EZH2: variants seen among roughly 807,000 people sequenced by gnomAD.
EZH2 encodes enhancer of zeste 2 polycomb repressive complex 2 subunit.
Under a neutral mutation model 98.4 loss-of-function variants are expected in EZH2, and 18 were observed. The observed-to-expected ratio is 0.18, with a 90% confidence interval of 0.13 to 0.27. EZH2 has a LOEUF of 0.27. Among genes scored for constraint, EZH2 ranks in the 10% least tolerant of loss-of-function variants. The pLI is 1.00. For synonymous variants in EZH2, 338 were observed against 312.3 expected (o/e 1.08, Z -0.87); for missense variants, 470 against 935.1 (o/e 0.50, Z 6.49).
At chr7:148,869,137 G>A (rs1410358249) in intron 1 of EZH2, among the ~76,000 whole-genome samples, 1 of 147,606 alleles carries the variant, frequency 6.8e-6, no homozygotes, top group Non-Finnish European at 1.5e-5. Context: ...AGCATTAGAT[G>A]TTCTATGAAT....
chr7:148,815,785 A>G lies in EZH2; in HGVS notation c.1506-239T>C, dbSNP rs146043537. Among the ~76,000 whole-genome samples the G allele has an allele frequency of 4.6e-3, 695 of 152,342 alleles. 5 individuals carry two copies. The highest frequency in any genetic ancestry group is 6.0e-3 in the Non-Finnish European group (409 of 68,036). ...GTGTTCATCCATGACTCCTGGTCAG[A>G]ACTCCTGAGCTCCCAATGCTGCACA... On this transcript the variant is annotated intron_variant, in intron 12 of 19. Coordinates refer to ENST00000320356, the MANE Select transcript of EZH2 (RefSeq NM_004456.5).
In EZH2 at chr7:148,813,969, C is replaced by G. The variant is rs1803880257; in HGVS notation, c.1841G>C (p.Gly614Ala). 1 of 1,609,754 alleles carries G rather than the reference C, an allele frequency of 6.2e-7. No homozygotes were observed. ...TGACTTGTTGCTCACCTTTTTGGAG[C>G]CCCGCTGAATACTGCAGTTCTTGCA... ...VSCKNCSIQRGSKKHLLLAPS... is the reference protein window; with the variant it reads ...VSCKNCSIQRASKKHLLLAPS... The change falls in exon 15 of 20, where the codon GGC (glycine) becomes GCC (alanine). Residue 614 changes from glycine to alanine, a missense_variant. Gly to Ala is a moderately conservative substitution (Grantham distance 60). This residue lies in a region of EZH2 where 106 missense variants were observed against 327.2 expected (regional missense o/e 0.32). Transcript: ENST00000320356.
intron 1 of EZH2, among the ~76,000 whole-genome samples, chr7:148,854,853 T>C (rs551112382): frequency 6.6e-6 from 1 of 152,258 alleles, no homozygotes; most frequent in Non-Finnish European, 1.5e-5. Flanking sequence ...ATTGTTTCAA[T>C]ATACTGAAAT....
intron 3 of EZH2, among the ~76,000 whole-genome samples, chr7:148,845,767 C>T (rs985346109): frequency 7.2e-5 from 11 of 152,210 alleles, no homozygotes; most frequent in African/African-American, 2.7e-4. Flanking sequence ...CCTTTTGCTT[C>T]AACTCCCCTT....
At chr7:148,852,631 G>A (rs1816042229) in intron 1 of EZH2, among the ~76,000 whole-genome samples, 1 of 151,956 alleles carries the variant, frequency 6.6e-6, no homozygotes, top group African/African-American at 2.4e-5. Flanking sequence ...TTTGCCCAAG[G>A]ACTTGTTGGA....
chr7:148,811,054 G>T (rs73469690), intron 16 of EZH2, among the ~76,000 whole-genome samples: 3,105 of 152,250 alleles, frequency 0.02, 93 homozygotes, highest in African/African-American at 0.07. Flanking sequence ...GATTAAGCAG[G>T]CCACTCTATG....
intron 8 of EZH2, among the ~76,000 whole-genome samples, chr7:148,822,921 G>A (rs577736048): frequency 1.1e-4 from 17 of 152,198 alleles, no homozygotes; most frequent in African/African-American, 2.6e-4. Flanking sequence ...CAGCCTGGGC[G>A]ACAGAGCGAG....
At chr7:148,875,632 C>T (rs958830419) in intron 1 of EZH2, among the ~76,000 whole-genome samples, 3 of 152,198 alleles carry the variant, frequency 2.0e-5, no homozygotes, top group African/African-American at 7.2e-5. Flanking sequence ...AACTGTAACT[C>T]CTGCACAGTT....
At chr7:148,882,698 T>C (rs566136006) in intron 1 of EZH2, among the ~76,000 whole-genome samples, 1 of 152,314 alleles carries the variant, frequency 6.6e-6, no homozygotes, top group East Asian at 1.9e-4. Context: ...TTTTCAAAGG[T>C]TTATTAAATG....
At chr7:148,817,692 C>G in intron 10 of EZH2, 185 bp downstream of exon 10, 2 of 828,632 alleles carry the variant, frequency 2.4e-6, no homozygotes, top group Non-Finnish European at 3.8e-6. Context: ...AGGGCAAACA[C>G]CACAAGCTAG....
intron 1 of EZH2, among the ~76,000 whole-genome samples, chr7:148,861,193 TTATA>T (rs1190360717): frequency 2.0e-5 from 3 of 151,948 alleles, no homozygotes; most frequent in African/African-American, 7.3e-5. Context: ...ATGTAAAATG[TTATA>T]TAAATCCTTG....
At chr7:148,833,033 G>C (rs551998311) in intron 3 of EZH2, among the ~76,000 whole-genome samples, 1 of 152,056 alleles carries the variant, frequency 6.6e-6, no homozygotes, top group African/African-American at 2.4e-5. Context: ...GAGATTCAGC[G>C]ATCTGATTAA....
At chr7:148,827,973 C>G (rs1808212287) in intron 6 of EZH2, among the ~76,000 whole-genome samples, 1 of 152,184 alleles carries the variant, frequency 6.6e-6, no homozygotes, top group African/African-American at 2.4e-5. Flanking sequence ...AAAAAATTAG[C>G]TGGGTGTGGT....
intron 15 of EZH2, among the ~76,000 whole-genome samples, chr7:148,813,059 A>G (rs1803565475): frequency 6.8e-6 from 1 of 148,086 alleles, no homozygotes; most frequent in South Asian, 2.1e-4. Flanking sequence ...ACATACACAC[A>G]CACACACACA....
intron 3 of EZH2, among the ~76,000 whole-genome samples, chr7:148,840,437 A>T: frequency 6.6e-6 from 1 of 152,188 alleles, no homozygotes; most frequent in East Asian, 1.9e-4. Context: ...ATAAAATATT[A>T]TTAACCTCCT....
intron 1 of EZH2, among the ~76,000 whole-genome samples, chr7:148,874,508 G>A (rs1006480165): frequency 1.3e-5 from 2 of 152,256 alleles, no homozygotes; most frequent in East Asian, 1.9e-4. Context: ...TGAATCCACA[G>A]CCATGAGAAG....
At chr7:148,863,083 CAAA>C (rs11295626) in intron 1 of EZH2, among the ~76,000 whole-genome samples, 46 of 117,364 alleles carry the variant, frequency 3.9e-4, no homozygotes, top group Non-Finnish European at 5.4e-4. Flanking sequence ...GACCCTGTCT[CAAA>C]AAAAAAAAAA....
At chr7:148,824,328 AAC>A (rs1285241865) in intron 8 of EZH2, among the ~76,000 whole-genome samples, 7 of 151,256 alleles carry the variant, frequency 4.6e-5, no homozygotes, top group African/African-American at 9.8e-5. Flanking sequence ...AAAAAAAAAA[AAC>A]AACAACAACA....
At chr7:148,816,436 C>G (rs1263786927) in intron 12 of EZH2, among the ~76,000 whole-genome samples, 1 of 152,162 alleles carries the variant, frequency 6.6e-6, no homozygotes, top group Non-Finnish European at 1.5e-5. Flanking sequence ...TTTCTTAACC[C>G]AAATGCAGTC....
Sources: gnomAD v4.1 joint callset for allele counts (sites outside exome capture counted in the v4.1 genomes callset) on GRCh38, gnomAD v4.1.1 for gene constraint, gnomAD v4.1.1 regional missense constraint, MANE v1.5 for transcripts, NCBI Gene and HGNC (gene_info 2026-07-23, HGNC 2026-07-21) for gene names.